Variants in KDM6A observed in about 807,000 individuals in gnomAD.
The protein encoded by KDM6A is lysine-specific demethylase 6A.
In KDM6A, 11 loss-of-function variants were observed where a neutral mutation model predicts 117.6. That is an observed-to-expected ratio of 0.09 (90% CI 0.06 to 0.15). The LOEUF (loss-of-function observed/expected upper bound fraction) is 0.15. KDM6A is among the 10% of genes least tolerant of loss of function. The pLI, the probability that KDM6A is intolerant of heterozygous loss-of-function variation, is 1.00. For synonymous variants in KDM6A, 384 were observed against 396.1 expected, an observed-to-expected ratio of 0.97 and a Z score of 0.36; for missense variants, 799 against 1,077.3, an observed-to-expected ratio of 0.74 and a Z score of 3.62.
chrX:44,994,126 C>T (rs1450498717), intron 4 of KDM6A, among the ~76,000 whole-genome samples: 1 of 111,941 alleles, frequency 8.9e-6, no homozygotes, highest in East Asian at 2.8e-4. Context: ...AATATACTCT[C>T]ATCAATTTGA....
chrX:45,055,388 T>C (rs1443432403), intron 10 of KDM6A, among the ~76,000 whole-genome samples: 2 of 111,180 alleles, frequency 1.8e-5, no homozygotes, highest in African/African-American at 6.5e-5. Flanking sequence ...AAAAAATTTT[T>C]AAAAACATTT....
intron 27 of KDM6A, among the ~76,000 whole-genome samples, chrX:45,096,894 A>G (rs1410078704): frequency 8.9e-6 from 1 of 111,821 alleles, no homozygotes; most frequent in African/African-American, 3.3e-5. Context: ...TTATTCTATC[A>G]TAAAGACACA....
chrX:45,016,539 C>T (rs2041978064), intron 5 of KDM6A, among the ~76,000 whole-genome samples: 1 of 110,758 alleles, frequency 9.0e-6, no homozygotes, highest in Admixed American at 9.7e-5. Flanking sequence ...CTCACTCTGT[C>T]GCCAGGCTGG....
At chrX:44,973,051 A>G (rs2039439214) in intron 3 of KDM6A, among the ~76,000 whole-genome samples, 1 of 110,397 alleles carries the variant, frequency 9.1e-6, no homozygotes, top group Non-Finnish European at 1.9e-5. Context: ...AAAAAAGTAA[A>G]TCAAAGCAGA....
intron 2 of KDM6A, among the ~76,000 whole-genome samples, chrX:44,946,614 TA>T (rs775958272): frequency 2.9e-4 from 32 of 111,698 alleles, no homozygotes; most frequent in Non-Finnish European, 2.3e-4. Flanking sequence ...TGTCTAATTT[TA>T]AAGAAATCCC....
chrX:44,965,585 T>C (rs998926038), intron 3 of KDM6A, among the ~76,000 whole-genome samples: 3 of 111,751 alleles, frequency 2.7e-5, no homozygotes, highest in Admixed American at 1.9e-4. Flanking sequence ...GAATGGCCTG[T>C]TGGTGGAGTA....
chrX:45,107,627 C>G, intron 28 of KDM6A, 91 bp downstream of exon 28: 2 of 916,216 alleles, frequency 2.2e-6, no homozygotes, highest in Non-Finnish European at 3.1e-6. Flanking sequence ...CTTTTTTATA[C>G]TTTTATGTAA....
chrX:45,011,647 G>A (rs1205312380), intron 5 of KDM6A, among the ~76,000 whole-genome samples: 1 of 111,775 alleles, frequency 8.9e-6, no homozygotes, highest in African/African-American at 3.2e-5. Context: ...ATGCACTAAT[G>A]GGGTAAAAAG....
chrX:44,877,755 T>C (rs773283688), intron 2 of KDM6A, among the ~76,000 whole-genome samples: 2 of 110,914 alleles, frequency 1.8e-5, no homozygotes, highest in Admixed American at 9.7e-5. Context: ...AATACTCTTA[T>C]TGGAAATTTT....
chrX:45,018,993 ACTG>A (rs1237227555), intron 5 of KDM6A, among the ~76,000 whole-genome samples: 1 of 111,901 alleles, frequency 8.9e-6, no homozygotes, highest in Non-Finnish European at 1.9e-5. Context: ...GAAATAAAAT[ACTG>A]CTATCACCCC....
Position 45,063,706 on chromosome X carries a change from T to C in KDM6A, c.1968T>C (p.Asn656=). The C allele has an allele frequency of 1.7e-6, 2 of 1,208,638 alleles. No homozygotes were observed. Among genetic ancestry groups the C allele is most frequent in the South Asian group, 1.8e-5 (1 of 56,522 alleles). The part of the protein sequence containing the change: ...GNNHITGSGS[N]GNVPYLQRNA... ...ATCATATAACAGGAAGTGGAAGTAA[T>C]GGAAACGTGCCTTACCTGCAGCGAA... Residue 656 remains asparagine (N), a synonymous_variant, in exon 17 of 30, where the codon AAT becomes AAC. Transcript: ENST00000611820.
In KDM6A at chrX:44,914,842, C is replaced by G. The variant is rs755516062; in HGVS notation, c.225+40855C>G. ...AGCTAGCTTGGAACTGAGCATAATACTGGATACTCTTGTGAGAGTATGTCT... is the reference window on the plus strand; with the variant it reads ...AGCTAGCTTGGAACTGAGCATAATAGTGGATACTCTTGTGAGAGTATGTCT... On this transcript the variant is annotated intron_variant, in intron 2 of 29. Coordinates refer to ENST00000611820, the MANE Select transcript of KDM6A (RefSeq NM_001291415.2). 4.5e-5 allele frequency among the ~76,000 whole-genome samples: 5 copies of G among 111,009 alleles called. No homozygotes were observed. The South Asian group carries it at 1.9e-3, about 42-fold the overall frequency.
At chrX:44,923,539 T>C (rs12862617) in intron 2 of KDM6A, among the ~76,000 whole-genome samples, 2 of 48,305 alleles carry the variant, frequency 4.1e-5, no homozygotes, top group East Asian at 1.7e-3. Flanking sequence ...TCTTCTCTGC[T>C]TTTTTTTTTT....
intron 28 of KDM6A, 80 bp downstream of exon 28, chrX:45,107,616 A>G: frequency 1.0e-6 from 1 of 965,928 alleles, no homozygotes; most frequent in Non-Finnish European, 1.4e-6. Flanking sequence ...TTTTTAAAAA[A>G]CTTTTTTATA....
intron 27 of KDM6A, among the ~76,000 whole-genome samples, chrX:45,096,120 A>G (rs1219489364): frequency 8.9e-6 from 1 of 112,017 alleles, no homozygotes; most frequent in Non-Finnish European, 1.9e-5. Flanking sequence ...AGAAAAAATA[A>G]CAGCTAAATG....
chrX:45,038,782 T>A (rs1405322543), intron 8 of KDM6A, among the ~76,000 whole-genome samples: 1 of 111,370 alleles, frequency 9.0e-6, no homozygotes, highest in Non-Finnish European at 1.9e-5. Flanking sequence ...AAAAAAAGTA[T>A]AACACGTTCA....
chrX:45,059,311 T>C lies in KDM6A; in HGVS notation c.1039T>C (p.Leu347=). The C allele has an allele frequency of 8.3e-7, 1 of 1,211,559 alleles. No individual in the cohort carries two copies. The highest frequency in any genetic ancestry group is 1.1e-6 in the Non-Finnish European group (1 of 895,434). ...ALQAYICAVQ[L]DHGHAAAWMD... is the part of the protein sequence containing the mutation. ...ACAGGCCTATATTTGTGCTGTACAA[T>C]TGGACCATGGCCATGCTGCAGCCTG... is the stretch of plus-strand genomic sequence containing the variant. Residue 347 remains leucine, a synonymous_variant, in exon 12 of 30, where the codon TTG becomes CTG. Transcript: ENST00000611820.
At chrX:44,910,491 G>T in intron 2 of KDM6A, among the ~76,000 whole-genome samples, 1 of 88,125 alleles carries the variant, frequency 1.1e-5, no homozygotes, top group African/African-American at 4.3e-5. Context: ...ATTTATTTTT[G>T]CAAGTAGCTT....
intron 2 of KDM6A, among the ~76,000 whole-genome samples, chrX:44,884,531 G>A (rs182997789): frequency 1.8e-5 from 2 of 111,708 alleles, no homozygotes; most frequent in Non-Finnish European, 3.8e-5. Context: ...TACATTTCCC[G>A]CAGACTATTG....
Sources: gnomAD v4.1 joint callset for allele counts (sites outside exome capture counted in the v4.1 genomes callset) on GRCh38, gnomAD v4.1.1 for gene constraint, MANE v1.5 for transcripts, NCBI Gene and HGNC (gene_info 2026-07-23, HGNC 2026-07-21) for gene names.